ZNF514: variants seen among roughly 807,000 people sequenced by gnomAD.
The protein encoded by ZNF514 is zinc finger protein 514.
A neutral mutation model predicts 9.7 loss-of-function variants in ZNF514; 12 were observed. That is an observed-to-expected ratio of 1.24 (90% CI 0.79 to 2.01). ZNF514 has a LOEUF of 2.01. Among genes scored for constraint, ZNF514 ranks in the 30% most tolerant of loss-of-function variants. The pLI is 0.00. For missense variants in ZNF514, 467 were observed against 465.5 expected (o/e 1.00, Z -0.03); for synonymous variants, 158 against 163.7 (o/e 0.97, Z 0.27).
the ZNF514 span, among the ~76,000 whole-genome samples, chr2:95,125,228 C>CTTTT: frequency 2.4e-5 from 3 of 125,158 alleles, no homozygotes; most frequent in Non-Finnish European, 5.1e-5. Context: ...AATTGCCATC[C>CTTTT]TTTTTTTTTT....
chr2:95,139,637 C>G, the ZNF514 span, among the ~76,000 whole-genome samples: 1 of 151,980 alleles, frequency 6.6e-6, no homozygotes, highest in Admixed American at 6.5e-5. Flanking sequence ...AGTGAAAGCA[C>G]TTGCCTTGTC....
At chr2:95,157,189 G>A (rs576302379) in intron 2 of ZNF514, among the ~76,000 whole-genome samples, 162 bp downstream of exon 2, 1 of 152,114 alleles carries the variant, frequency 6.6e-6, no homozygotes, top group Non-Finnish European at 1.5e-5. Context: ...AGAACACCCC[G>A]GACAGGTCAG....
At chr2:95,135,749 G>C in the ZNF514 span, among the ~76,000 whole-genome samples, 2 of 149,964 alleles carry the variant, frequency 1.3e-5, no homozygotes. Flanking sequence ...TTTTATTTTT[G>C]AATTGTTCAT....
At chr2:95,138,029 C>T in the ZNF514 span, among the ~76,000 whole-genome samples, 35 of 152,318 alleles carry the variant, frequency 2.3e-4, no homozygotes, top group African/African-American at 5.8e-4. Context: ...TCACCTTCCA[C>T]CATGATTGTA....
Position 95,149,711 on chromosome 2 carries a change from CT to C in ZNF514, c.773del (p.Lys258SerfsTer162), listed in dbSNP as rs776600025. 3.1e-6 allele frequency: 5 copies of C among 1,614,054 alleles called. No individual in the cohort carries two copies. The South Asian group carries it at 4.4e-5, about 14-fold the overall frequency. On this transcript the variant is annotated frameshift_variant, in exon 5 of 5. Transcript: ENST00000295208. LOFTEE classifies it low-confidence loss of function (END_TRUNC). ...TCCCACATTCACTGCATTCATAGGG[CT>C]TTTCTCCAGTATGAGTTCTTTGATG... ...IKHQRTHTGE[K>X]PYECSECGRA...
At chr2:95,124,704 G>C in the ZNF514 span, among the ~76,000 whole-genome samples, 1 of 151,784 alleles carries the variant, frequency 6.6e-6, no homozygotes, top group Non-Finnish European at 1.5e-5. Context: ...GTTCCACCAT[G>C]TTGGCCAGGC....
chr2:95,156,141 G>A (rs1227237564), intron 2 of ZNF514, among the ~76,000 whole-genome samples: 1 of 152,246 alleles, frequency 6.6e-6, no homozygotes, highest in African/African-American at 2.4e-5. Context: ...TGACTTTACT[G>A]ATTAAATTCC....
chr2:95,141,751 T>G (rs1262366883), downstream of ZNF514, among the ~76,000 whole-genome samples: 1 of 152,102 alleles, frequency 6.6e-6, no homozygotes, highest in South Asian at 2.1e-4. Flanking sequence ...AGGGAATAAA[T>G]CAATCAAACT....
chr2:95,138,257 A>G, the ZNF514 span, among the ~76,000 whole-genome samples: 5 of 152,248 alleles, frequency 3.3e-5, no homozygotes, highest in Non-Finnish European at 5.9e-5. Flanking sequence ...CAGCTTTGTA[A>G]CTGGGTAACA....
At chr2:95,138,613 T>C in the ZNF514 span, among the ~76,000 whole-genome samples, 1 of 152,104 alleles carries the variant, frequency 6.6e-6, no homozygotes, top group Non-Finnish European at 1.5e-5. Flanking sequence ...TAACCTACGC[T>C]CAGATGTGGA....
the ZNF514 span, among the ~76,000 whole-genome samples, chr2:95,128,735 G>A: frequency 5.2e-4 from 79 of 151,018 alleles, no homozygotes; most frequent in Admixed American, 9.9e-4. Flanking sequence ...GGAGGAGTAG[G>A]AGAAGGAAGA....
chr2:95,141,860 T>A (rs1181538987), downstream of ZNF514, among the ~76,000 whole-genome samples: 1 of 152,162 alleles, frequency 6.6e-6, no homozygotes, highest in African/African-American at 2.4e-5. Context: ...ACTAGGATTC[T>A]CCAGGGTATT....
the ZNF514 span, among the ~76,000 whole-genome samples, chr2:95,133,527 G>A: frequency 5.3e-5 from 8 of 152,116 alleles, no homozygotes; most frequent in South Asian, 4.1e-4. Context: ...GGTAATGGAA[G>A]TACAGCTGGC....
Position 95,152,778 on chromosome 2 carries a change from A to G in ZNF514, c.122-9T>C, listed in dbSNP as rs1201505618. 19 of 1,613,172 alleles carry G rather than the reference A, an allele frequency of 1.2e-5. No individual in the cohort carries two copies. The highest frequency in any genetic ancestry group is 5.0e-5 in the Admixed American group (3 of 60,006). ...TTTGGATACTAGAAGGCCTGATGGT[A>G]GAGAAGGAAAAGGATTTTGGTTGTG... On this transcript the variant is annotated splice_polypyrimidine_tract_variant and intron_variant, in intron 3 of 4. Transcript: ENST00000295208.
chr2:95,134,951 T>G, the ZNF514 span, among the ~76,000 whole-genome samples: 33 of 152,326 alleles, frequency 2.2e-4, no homozygotes, highest in African/African-American at 7.0e-4. Flanking sequence ...TTGGTCTATA[T>G]ATCCATAATT....
At chr2:95,143,544 G>C (rs1239040023), downstream of ZNF514, among the ~76,000 whole-genome samples, 1 of 152,110 alleles carries the variant, frequency 6.6e-6, no homozygotes, top group Non-Finnish European at 1.5e-5. Context: ...GCTTGAACCC[G>C]GGAGGCAGAA....
Position 95,153,136 on chromosome 2 carries a change from G to C in ZNF514, c.118C>G (p.Leu40Val). 1 of 1,611,840 alleles carries C rather than the reference G, an allele frequency of 6.2e-7. No individual in the cohort carries two copies. Among genetic ancestry groups the C allele is most frequent in the Non-Finnish European group, 8.5e-7 (1 of 1,178,242 alleles). ...MLENFRNLAI[L>V]GLLVSKPYVI... Reference sequence around the variant, plus strand: ...GCTTTGGAGGGCTTGTGCTCACCCAGAATGGCCAAGTTCCTGAAGTTCTCC... The same window carrying C: ...GCTTTGGAGGGCTTGTGCTCACCCACAATGGCCAAGTTCCTGAAGTTCTCC... Residue 40 changes from leucine to valine, a missense_variant, in exon 3 of 5, where the codon CTG becomes GTG. Leu to Val is a conservative substitution (Grantham distance 32). Transcript: ENST00000295208.
the ZNF514 span, among the ~76,000 whole-genome samples, chr2:95,134,557 A>C: frequency 6.6e-6 from 1 of 152,180 alleles, no homozygotes. Flanking sequence ...GCACCCATGA[A>C]CAGAGGCAGT....
chr2:95,124,604 G>A, the ZNF514 span, among the ~76,000 whole-genome samples: 4 of 151,660 alleles, frequency 2.6e-5, no homozygotes, highest in Admixed American at 6.6e-5. Context: ...GGGTTCAGGC[G>A]ATTCTCGTGC....
Sources: gnomAD v4.1 joint callset for allele counts (sites outside exome capture counted in the v4.1 genomes callset) on GRCh38, gnomAD v4.1.1 for gene constraint, MANE v1.5 for transcripts, NCBI Gene and HGNC (gene_info 2026-07-23, HGNC 2026-07-21) for gene names.